Variants in CDKL4 observed in about 807,000 individuals in gnomAD.
CDKL4 encodes cyclin dependent kinase like 4.
Under a neutral mutation model 42.0 loss-of-function variants are expected in CDKL4, and 44 were observed. That is an observed-to-expected ratio of 1.05 (90% CI 0.82 to 1.35). CDKL4 has a LOEUF of 1.35. Ranked by LOEUF, CDKL4 falls within the 40% of genes most tolerant of loss-of-function variation. The pLI is 0.00. For missense variants in CDKL4, 393 were observed against 369.9 expected (o/e 1.06, Z -0.51); for synonymous variants, 120 against 121.6 (o/e 0.99, Z 0.09).
intron 5 of CDKL4, among the ~76,000 whole-genome samples, chr2:39,202,310 C>T (rs1676906559): frequency 1.3e-5 from 2 of 152,068 alleles, no homozygotes. Context: ...AACCAAACAC[C>T]ACCTGTTCCC....
chr2:39,171,574 C>T (rs1185242682), downstream of CDKL4, among the ~76,000 whole-genome samples: 1 of 152,158 alleles, frequency 6.6e-6, no homozygotes, highest in African/African-American at 2.4e-5. Context: ...AAAGACAGAG[C>T]CCAAGCACAT....
At chr2:39,187,012 C>A (rs190003597) in intron 7 of CDKL4, among the ~76,000 whole-genome samples, 49 of 152,232 alleles carry the variant, frequency 3.2e-4, no homozygotes, top group African/African-American at 1.1e-3. Context: ...TGTGTCCCCA[C>A]CCAAATCTCA....
chr2:39,175,209 C>G (rs1038092776), downstream of CDKL4, among the ~76,000 whole-genome samples: 4 of 152,122 alleles, frequency 2.6e-5, no homozygotes, highest in South Asian at 6.2e-4. Flanking sequence ...ATGAGCTATT[C>G]AGACAACACA....
At chr2:39,236,918 C>T (rs1044336517) in intron 1 of CDKL4, among the ~76,000 whole-genome samples, 1 of 152,110 alleles carries the variant, frequency 6.6e-6, no homozygotes, top group Non-Finnish European at 1.5e-5. Context: ...CAAGGAAAGG[C>T]CCAGGATCAG....
chr2:39,242,297 T>C (rs1679701344), intron 1 of CDKL4, among the ~76,000 whole-genome samples: 1 of 152,220 alleles, frequency 6.6e-6, no homozygotes, highest in South Asian at 2.1e-4. Flanking sequence ...TCTCCCATTT[T>C]GGCCTCCCAA....
At chr2:39,178,339 G>C (rs1675253514) in intron 9 of CDKL4, among the ~76,000 whole-genome samples, 1 of 152,204 alleles carries the variant, frequency 6.6e-6, no homozygotes, top group South Asian at 2.1e-4. Flanking sequence ...TTAGATTGAA[G>C]ATGAAAGATT....
chr2:39,228,951 G>A (rs928240316), intron 2 of CDKL4, among the ~76,000 whole-genome samples: 1 of 152,168 alleles, frequency 6.6e-6, no homozygotes, highest in Non-Finnish European at 1.5e-5. Context: ...TGCAGTGCAG[G>A]CAGGAACCAA....
chr2:39,179,707 G>A lies in CDKL4; in HGVS notation c.793-386C>T, dbSNP rs142153826. Among the ~76,000 whole-genome samples the A allele has an allele frequency of 6.9e-4, 105 of 152,322 alleles. 1 individual carries two copies. The highest frequency in any genetic ancestry group is 2.3e-3 in the African/African-American group (96 of 41,576). On this transcript the variant is annotated intron_variant, in intron 8 of 9. Coordinates refer to ENST00000451199, the Ensembl canonical transcript of CDKL4. The stretch of plus-strand genomic sequence containing the variant: ...AAGTCTTGGGTCCTATACCCCGCCT[G>A]CCAAAGGGAATCGAGGCACTGGAGG...
At chr2:39,225,691 G>A in intron 3 of CDKL4, 148 bp downstream of exon 3, 1 of 663,350 alleles carries the variant, frequency 1.5e-6, no homozygotes, top group Non-Finnish European at 2.4e-6. Flanking sequence ...TTTGCCTTTT[G>A]AAGACATCCT....
At chr2:39,207,524 T>G (rs1025466007) in intron 4 of CDKL4, among the ~76,000 whole-genome samples, 1 of 152,236 alleles carries the variant, frequency 6.6e-6, no homozygotes, top group Non-Finnish European at 1.5e-5. Context: ...ACAGGTTATA[T>G]CCTTTAAATG....
chr2:39,170,880 G>C (rs565610510), downstream of CDKL4, among the ~76,000 whole-genome samples: 1 of 152,104 alleles, frequency 6.6e-6, no homozygotes, highest in Non-Finnish European at 1.5e-5. Flanking sequence ...ATCAATGGTG[G>C]TGACAAATGA....
chr2:39,226,436 T>TTATATAAATTA (rs1678723740), intron 2 of CDKL4, among the ~76,000 whole-genome samples: 1 of 136,046 alleles, frequency 7.4e-6, no homozygotes, highest in Non-Finnish European at 1.6e-5. Context: ...TTTATATAAA[T>TTATATAAATTA]TATATATATT....
chr2:39,178,805 C>G, intron 9 of CDKL4: 1 of 1,555,028 alleles, frequency 6.4e-7, no homozygotes, highest in Non-Finnish European at 8.7e-7. Context: ...TATTGCACAT[C>G]TGGAGGCTAC....
At chr2:39,178,453 T>C (rs1675257879) in intron 9 of CDKL4, 3 of 938,616 alleles carry the variant, frequency 3.2e-6, no homozygotes, top group South Asian at 1.7e-5. Context: ...TTTAATAATA[T>C]TAGGGACCTT....
downstream of CDKL4, among the ~76,000 whole-genome samples, chr2:39,174,940 T>G (rs1039931521): frequency 6.6e-6 from 1 of 152,144 alleles, no homozygotes; most frequent in African/African-American, 2.4e-5. Flanking sequence ...TCAAGTTTAG[T>G]TGGGAAAAAA....
intron 3 of CDKL4, among the ~76,000 whole-genome samples, chr2:39,214,908 T>C (rs544803025): frequency 8.5e-5 from 13 of 152,270 alleles, no homozygotes; most frequent in South Asian, 4.1e-4. Context: ...CCACTGGGGA[T>C]TGGGGGTCTG....
At chr2:39,208,889 A>G (rs1329962925) in intron 4 of CDKL4, among the ~76,000 whole-genome samples, 1 of 152,054 alleles carries the variant, frequency 6.6e-6, no homozygotes, top group Non-Finnish European at 1.5e-5. Flanking sequence ...TTTGAGCCTT[A>G]GGCATGGATG....
chr2:39,182,111 A>T (rs1181506071), intron 8 of CDKL4, among the ~76,000 whole-genome samples: 3 of 152,048 alleles, frequency 2.0e-5, no homozygotes, highest in Admixed American at 2.0e-4. Context: ...CCTCCCAAGT[A>T]GCTGGGACTA....
chr2:39,195,897 C>G (rs1248732895), intron 5 of CDKL4, among the ~76,000 whole-genome samples: 1 of 152,176 alleles, frequency 6.6e-6, no homozygotes, highest in East Asian at 1.9e-4. Context: ...AGCTATGACT[C>G]AGACGGACAG....
Sources: gnomAD v4.1 joint callset for allele counts (sites outside exome capture counted in the v4.1 genomes callset) on GRCh38, gnomAD v4.1.1 for gene constraint, MANE v1.5 for transcripts, NCBI Gene and HGNC (gene_info 2026-07-23, HGNC 2026-07-21) for gene names.